SEM1: variants seen among roughly 807,000 people sequenced by gnomAD.
SEM1 encodes the protein SEM1 26S proteasome subunit, also known as 26S proteasome complex subunit SEM1.
SEM1 carries 3 observed loss-of-function variants against 12.7 expected under a neutral mutation model. That is an observed-to-expected ratio of 0.24 (90% CI 0.11 to 0.61). SEM1 has a LOEUF of 0.61. Among genes scored for constraint, SEM1 ranks in the 20% least tolerant of loss-of-function variants. SEM1 has a pLI of 0.88. For synonymous variants in SEM1, 30 were observed against 27.8 expected (o/e 1.08, Z -0.25); for missense variants, 59 against 81.3 (o/e 0.73, Z 1.06).
downstream of SEM1, among the ~76,000 whole-genome samples, chr7:96,684,164 G>C (rs1426210536): frequency 6.6e-6 from 1 of 152,108 alleles, no homozygotes; most frequent in Non-Finnish European, 1.5e-5. Context: ...GTTGTTATAT[G>C]ACTGTCACTA....
At chr7:96,538,417 G>C (rs1804854410) in intron 2 of SEM1, among the ~76,000 whole-genome samples, 1 of 151,766 alleles carries the variant, frequency 6.6e-6, no homozygotes, top group African/African-American at 2.4e-5. Context: ...AGGCAAATAG[G>C]CCTTCAGTGT....
chr7:96,487,104 A>G (rs1195271428), intron 1 of SEM1, among the ~76,000 whole-genome samples: 1 of 140,086 alleles, frequency 7.1e-6, no homozygotes, highest in Non-Finnish European at 1.5e-5. Flanking sequence ...TGCACAACCT[A>G]TTCTAGATTA....
At chr7:96,651,961 G>C (rs752384065) in intron 2 of SEM1, among the ~76,000 whole-genome samples, 6 of 152,186 alleles carry the variant, frequency 3.9e-5, no homozygotes, top group Non-Finnish European at 7.3e-5. Context: ...CTTTAGAGCA[G>C]AGCAGATGGC....
chr7:96,589,976 A>G (rs1472003743), intron 2 of SEM1, among the ~76,000 whole-genome samples: 1 of 152,230 alleles, frequency 6.6e-6, no homozygotes, highest in Non-Finnish European at 1.5e-5. Flanking sequence ...ATTTATGCAT[A>G]CAGAGAAAAT....
intron 2 of SEM1, among the ~76,000 whole-genome samples, chr7:96,682,752 A>C (rs1789652575): frequency 6.6e-6 from 1 of 152,056 alleles, no homozygotes; most frequent in Non-Finnish European, 1.5e-5. Flanking sequence ...AGAATGGGAG[A>C]AAATGTTTGC....
intron 2 of SEM1, among the ~76,000 whole-genome samples, chr7:96,598,344 G>A (rs1807069455): frequency 6.6e-6 from 1 of 151,748 alleles, no homozygotes; most frequent in Non-Finnish European, 1.5e-5. Flanking sequence ...TGGGGTGTTT[G>A]TCATGGCTAC....
chr7:96,629,479 T>C (rs1489720814), intron 2 of SEM1, among the ~76,000 whole-genome samples: 3 of 152,008 alleles, frequency 2.0e-5, no homozygotes, highest in African/African-American at 7.2e-5. Flanking sequence ...TTCTGCTTTA[T>C]TCATTTTAGT....
rs539085076 is a variant in SEM1, at chr7:96,542,554, C to T, written c.171-35856G>A. Among the ~76,000 whole-genome samples the T allele has an allele frequency of 1.5e-3, 221 of 151,490 alleles. 2 individuals are homozygous for T. Among genetic ancestry groups the T allele is most frequent in the African/African-American group, 4.5e-3 (187 of 41,320 alleles). ...TGATTTTAAAATAGGAAAAAGGACA[C>T]GAACTGATGATTCATAATAGAAAAC... On this transcript the variant is annotated intron_variant and NMD_transcript_variant, in intron 2 of 3. Coordinates refer to the SEM1 transcript ENST00000466986.
rs140016768 is a variant in SEM1, at chr7:96,611,021, C to T, written c.170+83777G>A. Among the ~76,000 whole-genome samples the T allele has an allele frequency of 4.9e-3, 747 of 152,254 alleles. 9 individuals are homozygous for T. The highest frequency in any genetic ancestry group is 0.017 in the African/African-American group (714 of 41,538). The stretch of plus-strand genomic sequence containing the variant: ...CCCCCGACCCCCAGGAGTTTCATCA[C>T]CTAGGGAAGATTGACTCATAGAGGA... On this transcript the variant is annotated intron_variant and NMD_transcript_variant, in intron 2 of 3. Coordinates refer to the SEM1 transcript ENST00000466986.
chr7:96,541,438 T>TG (rs1804947044), intron 2 of SEM1, among the ~76,000 whole-genome samples: 2 of 135,256 alleles, frequency 1.5e-5, no homozygotes, highest in African/African-American at 6.0e-5. Context: ...TGGGTTTTTT[T>TG]TTTTGTTTTT....
At chr7:96,532,078 G>T (rs1804659084) in intron 2 of SEM1, among the ~76,000 whole-genome samples, 1 of 152,010 alleles carries the variant, frequency 6.6e-6, no homozygotes. Context: ...TCACCCATTA[G>T]GTTCCGGGCC....
chr7:96,505,917 T>G (rs978708871), intron 3 of SEM1, among the ~76,000 whole-genome samples: 1 of 152,156 alleles, frequency 6.6e-6, no homozygotes, highest in Non-Finnish European at 1.5e-5. Flanking sequence ...ATATAATATA[T>G]AGGGAACCTG....
At chr7:96,622,682 A>G (rs548080750) in intron 2 of SEM1, 13 of 759,282 alleles carry the variant, frequency 1.7e-5, no homozygotes, top group South Asian at 1.6e-4. Flanking sequence ...TTTCTTTTTC[A>G]AACACCTATT....
At chr7:96,610,747 C>T (rs1363185835) in intron 2 of SEM1, among the ~76,000 whole-genome samples, 3 of 152,206 alleles carry the variant, frequency 2.0e-5, no homozygotes, top group Admixed American at 6.5e-5. Context: ...CAATCTTTTG[C>T]ATAAAATACT....
downstream of SEM1, among the ~76,000 whole-genome samples, chr7:96,669,533 C>G (rs1789257797): frequency 6.6e-6 from 1 of 152,160 alleles, no homozygotes; most frequent in Non-Finnish European, 1.5e-5. Flanking sequence ...CAAAAACAGG[C>G]AGGGGGCTAG....
At chr7:96,582,845 T>G (rs1408028097) in intron 2 of SEM1, among the ~76,000 whole-genome samples, 3 of 152,240 alleles carry the variant, frequency 2.0e-5, no homozygotes, top group Admixed American at 2.0e-4. Flanking sequence ...TTATTGCGTC[T>G]ATTTGATTCT....
chr7:96,587,028 ACAAGAG>A (rs1806659692), intron 2 of SEM1, among the ~76,000 whole-genome samples: 1 of 152,202 alleles, frequency 6.6e-6, no homozygotes, highest in Non-Finnish European at 1.5e-5. Context: ...ACCACAAAAC[ACAAGAG>A]TCCACAGCTT....
At chr7:96,698,894 C>T (rs371492371) in intron 1 of SEM1, among the ~76,000 whole-genome samples, 15 of 152,266 alleles carry the variant, frequency 9.9e-5, no homozygotes, top group African/African-American at 2.2e-4. Flanking sequence ...AGTGTAAAAG[C>T]GTTCCTACTT....
intron 2 of SEM1, among the ~76,000 whole-genome samples, chr7:96,615,241 C>CTTTT (rs60940244): frequency 2.4e-5 from 3 of 126,412 alleles, no homozygotes; most frequent in African/African-American, 9.5e-5. Context: ...TTTGAGTCAT[C>CTTTT]TTTTTTTTTT....
Sources: allele counts gnomAD v4.1 joint callset (sites outside exome capture counted in the v4.1 genomes callset), GRCh38; gene constraint gnomAD v4.1.1; transcripts MANE v1.5; gene names NCBI Gene and HGNC (gene_info 2026-07-23, HGNC 2026-07-21).